Variants in ATP5MF observed in about 807,000 individuals in gnomAD.
The protein encoded by ATP5MF is ATP synthase F(0) complex subunit f, mitochondrial.
ATP5MF carries 10 observed loss-of-function variants against 13.8 expected under a neutral mutation model. That is an observed-to-expected ratio of 0.72 (90% CI 0.45 to 1.23). The LOEUF (loss-of-function observed/expected upper bound fraction) is 1.23. Ranked by LOEUF, ATP5MF falls within the 50% of genes most tolerant of loss-of-function variation. The probability of loss-of-function intolerance (pLI) is 0.00; values close to 1 mark genes in which losing one functional copy is unlikely to be tolerated. For missense variants in ATP5MF, 122 were observed against 118.2 expected (o/e 1.03, Z -0.15); for synonymous variants, 40 against 45.8 (o/e 0.87, Z 0.51).
intron 3 of ATP5MF, among the ~76,000 whole-genome samples, chr7:99,458,739 A>C (rs1022245312): frequency 6.6e-5 from 10 of 151,976 alleles, no homozygotes; most frequent in African/African-American, 2.4e-4. Flanking sequence ...ACCTCCCGCC[A>C]ATCTCCCACC....
intron 1 of ATP5MF, among the ~76,000 whole-genome samples, chr7:99,460,807 G>A (rs1798565802): frequency 1.3e-5 from 2 of 152,304 alleles, no homozygotes; most frequent in South Asian, 4.1e-4. Context: ...TACTGGGGAA[G>A]GGCTTCAAAC....
rs1798524380 is a variant in ATP5MF, at chr7:99,459,964, C to T, written c.139+122G>A. On this transcript the variant is annotated intron_variant, in intron 2 of 3. Coordinates refer to ENST00000292475, the MANE Select transcript of ATP5MF (RefSeq NM_004889.5). The stretch of plus-strand genomic sequence containing the variant: ...AGGCCTAGCATCCCTCCCTGTCATC[C>T]TCTACATAACTTACTGCTTTCAGAC... The T allele has an allele frequency of 5.3e-6, 6 of 1,137,914 alleles. No individual in the cohort carries two copies. The Admixed American group carries it at 1.0e-4, about 19-fold the overall frequency. 70.5% of individuals were successfully genotyped at this position (1,137,914 alleles called of 1,614,324 possible).
chr7:99,461,418 G>A (rs1258242755), intron 1 of ATP5MF, among the ~76,000 whole-genome samples: 1 of 152,006 alleles, frequency 6.6e-6, no homozygotes, highest in African/African-American at 2.4e-5. Context: ...CCTATTGAGG[G>A]CAAAGAGTCT....
chr7:99,465,639 A>G (rs1184551462), intron 1 of ATP5MF, among the ~76,000 whole-genome samples: 1 of 152,148 alleles, frequency 6.6e-6, no homozygotes, highest in African/African-American at 2.4e-5. Flanking sequence ...GTGACCTTGA[A>G]CAGGTCACCT....
intron 1 of ATP5MF, 111 bp downstream of exon 1, chr7:99,466,000 C>A: frequency 1.3e-6 from 2 of 1,566,140 alleles, no homozygotes; most frequent in Non-Finnish European, 8.7e-7. Context: ...GAGGTCGTGG[C>A]GAAGTGCCTG....
rs538363871 is a variant in ATP5MF at position 99,458,515 on chromosome 7, G to A, written c.257-160C>T. On this transcript the variant is annotated intron_variant, in intron 3 of 3. Coordinates refer to ENST00000292475, the MANE Select transcript of ATP5MF (RefSeq NM_004889.5). ...GTGTCTCTGCAGAATCAGCAGACCC[G>A]GGGGGCACAAAGACACCTCAGGAGC... Among the ~76,000 whole-genome samples, 13 of 152,162 alleles carry A rather than the reference G, an allele frequency of 8.5e-5. No individual in the cohort carries two copies. In the East Asian group the frequency reaches 1.2e-3, roughly 14 times the overall value.
At chr7:99,458,773 G>A (rs978009557) in intron 3 of ATP5MF, among the ~76,000 whole-genome samples, 1 of 152,060 alleles carries the variant, frequency 6.6e-6, no homozygotes, top group East Asian at 1.9e-4. Context: ...TCAAGCCTCA[G>A]AGCCGGAACA....
intron 1 of ATP5MF, 73 bp from the exon 2 acceptor site, chr7:99,460,266 A>T: frequency 6.6e-7 from 1 of 1,516,128 alleles, no homozygotes. Context: ...CTTTCCTGCC[A>T]CTGCTTCAAC....
rs1163018785 is a variant in ATP5MF at position 99,458,378 on chromosome 7, G to A, written c.257-23C>T. On this transcript the variant is annotated intron_variant, in intron 3 of 3. Transcript: ENST00000292475. ...GCTCTGAAGTCAGGAAGGCAAGATG[G>A]TAAGTATCTTAAAAGGTTACAGTGA... The A allele has an allele frequency of 6.9e-6, 11 of 1,601,290 alleles. 1 individual carries two copies. The South Asian group carries it at 1.1e-4, about 16-fold the overall frequency.
intron 1 of ATP5MF, among the ~76,000 whole-genome samples, chr7:99,464,323 C>T (rs1403315002): frequency 1.3e-5 from 2 of 152,244 alleles, no homozygotes; most frequent in African/African-American, 4.8e-5. Context: ...GCTTCCCTCT[C>T]ATCTATTCTG....
In ATP5MF at chr7:99,463,853, G is replaced by T. The variant is rs954402541; in HGVS notation, c.31+2258C>A. Among the ~76,000 whole-genome samples, 5 of 151,782 alleles carry T rather than the reference G, an allele frequency of 3.3e-5. 1 individual carries two copies. Among genetic ancestry groups the T allele is most frequent in the Non-Finnish European group, 1.5e-5 (1 of 67,880 alleles). On this transcript the variant is annotated intron_variant, in intron 1 of 3. Coordinates refer to ENST00000292475, the MANE Select transcript of ATP5MF (RefSeq NM_004889.5). The stretch of plus-strand genomic sequence containing the variant: ...TGAGCTCATGGCCAGACAAAAACAG[G>T]CCACACGAAATCCAACTCACTGGCC...
Position 99,458,349 on chromosome 7 carries a change from T to C in ATP5MF, c.263A>G (p.Glu88Gly), listed in dbSNP as rs766079001. The C allele has an allele frequency of 3.7e-6, 6 of 1,608,274 alleles. No individual in the cohort carries two copies. In the African/African-American group the frequency reaches 8.0e-5, roughly 21 times the overall value. ...YSFSYKHLKH[E>G]RLRKYH is the part of the protein sequence containing the mutation. ...TCTTCAGTGGTATTTGCGGAGCCGC[T>C]CGTGCTCTGAAGTCAGGAAGGCAAG... Residue 88 changes from glutamate to glycine, a missense_variant, in exon 4 of 4, where the codon GAG (glutamate) becomes GGG (glycine). Coordinates refer to ENST00000292475, the MANE Select transcript of ATP5MF (RefSeq NM_004889.5).
At chr7:99,460,281 C>A in intron 1 of ATP5MF, 88 bp from the exon 2 acceptor site, 1 of 1,437,076 alleles carries the variant, frequency 7.0e-7, no homozygotes, top group Non-Finnish European at 9.7e-7. Context: ...TTCAACTATG[C>A]AATAAAGGTG....
At chr7:99,462,526 C>A (rs892753378) in intron 1 of ATP5MF, among the ~76,000 whole-genome samples, 54 of 152,252 alleles carry the variant, frequency 3.5e-4, no homozygotes, top group African/African-American at 1.3e-3. Flanking sequence ...CCTGTAATCC[C>A]AGCACTGTGG....
chr7:99,460,381 A>C, intron 1 of ATP5MF, 188 bp from the exon 2 acceptor site: 1 of 746,154 alleles, frequency 1.3e-6, no homozygotes, highest in Non-Finnish European at 2.3e-6. Context: ...GAGTCTATAC[A>C]ATAGCAGAAC....
At chr7:99,458,553 TG>T (rs1178373400) in intron 3 of ATP5MF, among the ~76,000 whole-genome samples, 198 bp from the exon 4 acceptor site, 1 of 152,168 alleles carries the variant, frequency 6.6e-6, no homozygotes, top group Non-Finnish European at 1.5e-5. Flanking sequence ...ACCTGCCACC[TG>T]GCCAACCACT....
At position 99,466,155 on chromosome 7, in the gene ATP5MF, T is replaced by C. The variant is rs757310724; in HGVS notation, c.-14A>G. 3 of 1,614,172 alleles carry C rather than the reference T, an allele frequency of 1.9e-6. No homozygotes were observed. Among genetic ancestry groups the C allele is most frequent in the East Asian group, 4.5e-5 (2 of 44,884 alleles). On this transcript the variant is annotated 5_prime_UTR_variant, in exon 1 of 4. Transcript: ENST00000292475. ...AACTGACGCCATTTTGGAGTCCTGG[T>C]GTCCGCTGTGCCGGACCGCGCGAGG...
chr7:99,462,122 T>C (rs993469240), intron 1 of ATP5MF, among the ~76,000 whole-genome samples: 3 of 151,854 alleles, frequency 2.0e-5, no homozygotes, highest in African/African-American at 7.3e-5. Context: ...CCTAGTTCTA[T>C]CTCTGTATTA....
chr7:99,464,139 A>G (rs1290260027), intron 1 of ATP5MF, among the ~76,000 whole-genome samples: 1 of 152,224 alleles, frequency 6.6e-6, no homozygotes, highest in African/African-American at 2.4e-5. Flanking sequence ...TGGGCCACGC[A>G]GCGTTCCAAG....
Sources: allele counts gnomAD v4.1 joint callset (sites outside exome capture counted in the v4.1 genomes callset), GRCh38; gene constraint gnomAD v4.1.1; transcripts MANE v1.5; gene names NCBI Gene and HGNC (gene_info 2026-07-23, HGNC 2026-07-21).